The following WBP4 variants were observed in gnomAD, a reference collection of about 807,000 sequenced individuals.
WBP4 encodes the protein WW domain binding protein 4, also known as WW domain-binding protein 4.
A neutral mutation model predicts 55.4 loss-of-function variants in WBP4; 37 were observed. The ratio of observed to expected loss-of-function variants is 0.67; its 90% CI spans 0.51 to 0.88. WBP4 has a LOEUF of 0.88. Ranked by LOEUF, WBP4 falls within the 40% of genes least tolerant of loss-of-function variation. WBP4 has a pLI of 0.00. For missense variants in WBP4, 398 were observed against 420.8 expected, an observed-to-expected ratio of 0.95 and a Z score of 0.47; for synonymous variants, 142 against 140.2, an observed-to-expected ratio of 1.01 and a Z score of -0.09.
At chr13:41,076,428 G>A (rs557480466) in intron 8 of WBP4, among the ~76,000 whole-genome samples, 191 bp downstream of exon 8, 144 of 151,892 alleles carry the variant, frequency 9.5e-4, no homozygotes, top group South Asian at 1.7e-3. Context: ...ACAGGTGTGT[G>A]CCACCAAACC....
At position 41,076,072 on chromosome 13, in the gene WBP4, C is replaced by A. The variant is rs747863710; in HGVS notation, c.591C>A (p.Phe197Leu). The change falls in exon 8 of 10, where the codon TTC (phenylalanine) becomes TTA (leucine). Residue 197 changes from phenylalanine to leucine, a missense_variant. Physicochemically the swap from Phe to Leu is conservative, Grantham distance 22. Coordinates refer to ENST00000379487, the MANE Select transcript of WBP4 (RefSeq NM_007187.5). ...GESRWEKPDD[F>L]IPHTSDLPSS... is the part of the protein sequence containing the mutation. ...CCAGATGGGAGAAACCTGATGATTT[C>A]ATTCCACACACTAGTGATCTGCCTT... 1.9e-6 allele frequency: 3 copies of A among 1,613,020 alleles called. No homozygotes were observed. Among genetic ancestry groups the A allele is most frequent in the African/African-American group, 1.3e-5 (1 of 74,868 alleles).
intron 4 of WBP4, among the ~76,000 whole-genome samples, chr13:41,066,374 AACTC>A (rs1263732087): frequency 1.3e-5 from 2 of 152,200 alleles, no homozygotes; most frequent in Non-Finnish European, 2.9e-5. Context: ...AGTTTTTAAA[AACTC>A]ACTAACTGTT....
At chr13:41,062,253 C>T (rs1877711043) in intron 1 of WBP4, 3 of 984,904 alleles carry the variant, frequency 3.0e-6, no homozygotes, top group Non-Finnish European at 3.6e-6. Flanking sequence ...ACGTTGTTCT[C>T]TTGGTGGGAA....
chr13:41,071,189 T>A (rs1165513177), intron 5 of WBP4, among the ~76,000 whole-genome samples: 1 of 152,236 alleles, frequency 6.6e-6, no homozygotes, highest in African/African-American at 2.4e-5. Flanking sequence ...AGTTTATCTC[T>A]CACTCTCCCT....
chr13:41,073,677 G>C (rs1878350628), intron 7 of WBP4, among the ~76,000 whole-genome samples: 1 of 151,864 alleles, frequency 6.6e-6, no homozygotes, highest in Non-Finnish European at 1.5e-5. Flanking sequence ...GCGTGGTGGT[G>C]GGCACCTGTA....
In WBP4 at chr13:41,077,183, ATG is replaced by A. The variant is rs1878533397; in HGVS notation, c.756+949_756+950del. ...TGGTTCAAAGTATGCAAATCAATAA[ATG>A]TGATTCACCACATAAACAATTAAAA... On this transcript the variant is annotated intron_variant, in intron 8 of 9. Transcript: ENST00000379487. 2.0e-5 allele frequency among the ~76,000 whole-genome samples: 3 copies of A among 152,214 alleles called. No individual in the cohort carries two copies. In the South Asian group the frequency reaches 6.2e-4, roughly 32 times the overall value.
At chr13:41,080,514 G>A in intron 8 of WBP4, 132 bp from the exon 9 acceptor site, 1 of 664,680 alleles carries the variant, frequency 1.5e-6, no homozygotes, top group African/African-American at 1.9e-5. Flanking sequence ...TATATTTATT[G>A]TGTTATGTGC....
intron 9 of WBP4, among the ~76,000 whole-genome samples, chr13:41,081,544 A>G (rs745703686): frequency 2.6e-5 from 4 of 151,804 alleles, no homozygotes; most frequent in Non-Finnish European, 4.4e-5. Context: ...TAGATAAGCA[A>G]ATATTGCAGC....
Position 41,080,688 on chromosome 13 carries a change from C to G in WBP4, c.799C>G (p.Gln267Glu). 6.3e-7 allele frequency: 1 copy of G among 1,598,832 alleles called. No homozygotes were observed. Among genetic ancestry groups the G allele is most frequent in the Non-Finnish European group, 8.5e-7 (1 of 1,176,542 alleles). Residue 267 changes from glutamine to glutamate, a missense_variant, in exon 9 of 10, where the codon CAG (glutamine) becomes GAG (glutamate). By Grantham distance (29) the Gln-to-Glu change is conservative. Coordinates refer to ENST00000379487, the MANE Select transcript of WBP4 (RefSeq NM_007187.5). ...TGATGGAGGAAGTGACCCAGAAACA[C>G]AGAAAGAAAAAAGTATTCAGAAACA... ...NSDGGSDPETQKEKSIQKQNS... is the reference protein window; with the variant it reads ...NSDGGSDPETEKEKSIQKQNS...
intron 4 of WBP4, among the ~76,000 whole-genome samples, chr13:41,065,916 C>A (rs577506818): frequency 2.1e-4 from 32 of 152,286 alleles, no homozygotes; most frequent in Non-Finnish European, 3.7e-4. Flanking sequence ...TATAGCAGAT[C>A]TCAGTTGTTG....
At chr13:41,063,546 T>C (rs1285432546) in intron 2 of WBP4, among the ~76,000 whole-genome samples, 1 of 152,150 alleles carries the variant, frequency 6.6e-6, no homozygotes, top group Non-Finnish European at 1.5e-5. Context: ...GCTATCCTTA[T>C]AAATAAATAC....
chr13:41,068,168 T>C (rs1253701442), intron 4 of WBP4, among the ~76,000 whole-genome samples: 3 of 152,162 alleles, frequency 2.0e-5, no homozygotes, highest in Non-Finnish European at 4.4e-5. Flanking sequence ...TTGTACCCAG[T>C]AGGTAATTTG....
intron 5 of WBP4, among the ~76,000 whole-genome samples, chr13:41,070,639 A>C (rs1878201031): frequency 6.6e-6 from 1 of 152,104 alleles, no homozygotes; most frequent in South Asian, 2.1e-4. Flanking sequence ...TGATGGTTAC[A>C]GTGTGGAGCT....
In WBP4 at chr13:41,068,690, G is replaced by A; in HGVS notation, c.392G>A (p.Gly131Asp). 6.2e-7 allele frequency: 1 copy of A among 1,612,664 alleles called. No individual in the cohort carries two copies. Among genetic ancestry groups the A allele is most frequent in the African/African-American group, 1.3e-5 (1 of 74,862 alleles). ...KDPSKGRWVE[G>D]ITSEGYHYYY... ...CCTTCAAAGGGCAGATGGGTAGAAG[G>A]CATAACCTCTGAGGGTTACCATTAC... is the stretch of plus-strand genomic sequence containing the variant. Residue 131 changes from glycine to aspartate, a missense_variant, in exon 5 of 10, where the codon GGC (glycine) becomes GAC (aspartate). Coordinates refer to ENST00000379487, the MANE Select transcript of WBP4 (RefSeq NM_007187.5).
intron 8 of WBP4, among the ~76,000 whole-genome samples, chr13:41,077,640 T>C (rs1878560154): frequency 6.6e-6 from 1 of 152,138 alleles, no homozygotes; most frequent in African/African-American, 2.4e-5. Flanking sequence ...GCCTGAGCAG[T>C]CAGGCAAGAG....
intron 1 of WBP4, 57 bp downstream of exon 1, chr13:41,061,732 C>A: frequency 6.2e-7 from 1 of 1,611,370 alleles, no homozygotes; most frequent in Non-Finnish European, 8.5e-7. Flanking sequence ...GCCGCCCTTT[C>A]TCGCCCGGGT....
intron 1 of WBP4, 133 bp downstream of exon 1, chr13:41,061,808 ACCGGC>A (rs1877659415): frequency 6.9e-7 from 1 of 1,456,248 alleles, no homozygotes; most frequent in Admixed American, 2.0e-5. Context: ...CTCGCTCGGG[ACCGGC>A]CCCAGACCTG....
At position 41,076,067 on chromosome 13, in the gene WBP4, G is replaced by A; in HGVS notation, c.586G>A (p.Asp196Asn). 2 of 1,612,952 alleles carry A rather than the reference G, an allele frequency of 1.2e-6. No homozygotes were observed. Residue 196 changes from aspartate (D) to asparagine (N), a missense_variant, in exon 8 of 10, where the codon GAT (aspartate) becomes AAT (asparagine). By Grantham distance (23) the Asp-to-Asn change is conservative. Coordinates refer to ENST00000379487, the MANE Select transcript of WBP4 (RefSeq NM_007187.5). ...TGESRWEKPD[D>N]FIPHTSDLPS... The stretch of plus-strand genomic sequence containing the variant: ...AGAATCCAGATGGGAGAAACCTGAT[G>A]ATTTCATTCCACACACTAGTGATCT...
At chr13:41,072,962 A>C in intron 7 of WBP4, 105 bp downstream of exon 7, 1 of 829,254 alleles carries the variant, frequency 1.2e-6, no homozygotes, top group Admixed American at 2.9e-5. Flanking sequence ...TATACAATAA[A>C]CATATTTGTG....
Sources: gnomAD v4.1 joint callset for allele counts (sites outside exome capture counted in the v4.1 genomes callset) on GRCh38, gnomAD v4.1.1 for gene constraint, MANE v1.5 for transcripts, NCBI Gene and HGNC (gene_info 2026-07-23, HGNC 2026-07-21) for gene names.